Variants in ZFR2 observed in about 807,000 individuals in gnomAD.
ZFR2 encodes the protein zinc finger RNA binding protein 2, also known as zinc finger RNA-binding protein 2.
Under a neutral mutation model 105.7 loss-of-function variants are expected in ZFR2, and 104 were observed. The observed-to-expected ratio is 0.98, with a 90% CI of 0.84 to 1.16. The LOEUF (loss-of-function observed/expected upper bound fraction) is 1.16. Among genes scored for constraint, ZFR2 ranks in the 50% most tolerant of loss-of-function variants. The probability of loss-of-function intolerance (pLI) is 0.00; values close to 1 mark genes in which losing one functional copy is unlikely to be tolerated. For missense variants in ZFR2, 1,425 were observed against 1,355.5 expected (o/e 1.05, Z -0.80); for synonymous variants, 634 against 597.7 (o/e 1.06, Z -0.89).
intron 5 of ZFR2, among the ~76,000 whole-genome samples, chr19:3,830,791 T>G (rs957191076): frequency 3.9e-5 from 6 of 152,180 alleles, no homozygotes; most frequent in African/African-American, 1.4e-4. Context: ...GAGCCCACGA[T>G]CTCAGCTGGG....
intron 1 of ZFR2, among the ~76,000 whole-genome samples, chr19:3,846,239 A>G (rs972271036): frequency 2.4e-4 from 37 of 152,360 alleles, no homozygotes; most frequent in African/African-American, 7.2e-4. Flanking sequence ...AGCCTCCCAC[A>G]GTGCTGGGAT....
chr19:3,833,509 A>G (rs1429088259), intron 3 of ZFR2, 155 bp downstream of exon 3: 73 of 561,190 alleles, frequency 1.3e-4, no homozygotes, highest in East Asian at 6.6e-4. Flanking sequence ...CTGGGAGGCG[A>G]AGCTTGCAGT....
intron 16 of ZFR2, among the ~76,000 whole-genome samples, chr19:3,810,410 G>A (rs1258709112): frequency 6.6e-6 from 1 of 152,256 alleles, no homozygotes; most frequent in Non-Finnish European, 1.5e-5. Context: ...GTCACCCAGA[G>A]GCCGGTGTGC....
chr19:3,856,570 C>G lies in ZFR2; in HGVS notation c.53+12395G>C, dbSNP rs931477071. 2.0e-5 allele frequency among the ~76,000 whole-genome samples: 3 copies of G among 152,088 alleles called. No homozygotes were observed. In the East Asian group the frequency reaches 5.8e-4, roughly 29 times the overall value. On this transcript the variant is annotated intron_variant, in intron 1 of 18. Coordinates refer to ENST00000262961, the MANE Select transcript of ZFR2 (RefSeq NM_015174.2). ...CCATCAACATTCTCTCCATCCCTCCCCAGCCCCCGGAACCACTAATCCATT... is the reference window on the plus strand; with the variant it reads ...CCATCAACATTCTCTCCATCCCTCCGCAGCCCCCGGAACCACTAATCCATT...
chr19:3,829,519 TG>T (rs1844976926), intron 5 of ZFR2, among the ~76,000 whole-genome samples: 2 of 151,754 alleles, frequency 1.3e-5, no homozygotes, highest in African/African-American at 4.8e-5. Context: ...TGGGGGGTTT[TG>T]TTTTTTTGTG....
At chr19:3,822,007 CCACAGGCCT>C in intron 9 of ZFR2, 65 bp downstream of exon 9, 2 of 1,513,894 alleles carry the variant, frequency 1.3e-6, no homozygotes, top group East Asian at 5.0e-5. Context: ...AGAGGCCCGA[CCACAGGCCT>C]CCCAGCGCCC....
chr19:3,865,843 A>G (rs998503711), intron 1 of ZFR2, among the ~76,000 whole-genome samples: 1 of 151,738 alleles, frequency 6.6e-6, no homozygotes, highest in African/African-American at 2.4e-5. Flanking sequence ...AACCATAGGT[A>G]CTTTTTTGTT....
intron 1 of ZFR2, among the ~76,000 whole-genome samples, chr19:3,860,223 TGGG>T (rs560705937): frequency 1.4e-5 from 2 of 141,108 alleles, no homozygotes; most frequent in Admixed American, 7.3e-5. Flanking sequence ...TTTTCAGAGA[TGGG>T]GGGGGTCTCA....
At chr19:3,831,093 AT>A (rs1450947336) in intron 5 of ZFR2, among the ~76,000 whole-genome samples, 4 of 151,928 alleles carry the variant, frequency 2.6e-5, no homozygotes, top group Non-Finnish European at 4.4e-5. Context: ...ACATATACAC[AT>A]GCATAAACAC....
At chr19:3,857,521 A>G (rs965538008) in intron 1 of ZFR2, among the ~76,000 whole-genome samples, 19 of 117,052 alleles carry the variant, frequency 1.6e-4, no homozygotes, top group African/African-American at 6.7e-4. Flanking sequence ...CCTGGCCAAC[A>G]TGGTGTATAC....
chr19:3,807,253 C>A lies in ZFR2; in HGVS notation c.2562G>T (p.Gln854His). The A allele has an allele frequency of 6.4e-7, 1 of 1,558,182 alleles. No homozygotes were observed. Among genetic ancestry groups the A allele is most frequent in the Non-Finnish European group, 8.7e-7 (1 of 1,150,324 alleles). ...GTLLTDGPGL[Q>H]DPCERDQTDA... ...CTGTCTGGTCTCTCTCGCAGGGATC[C>A]TGGAGCCCGGGCCCGTCTTTGTGAC... Residue 854 changes from glutamine (Q) to histidine (H), a missense_variant, in exon 18 of 19, where the codon CAG becomes CAT. Transcript: ENST00000262961.
At position 3,816,603 on chromosome 19, in the gene ZFR2, C is replaced by T. The variant is rs183629486; in HGVS notation, c.2103+71G>A. ...ACAAAGGTCCCCTGCCATCTAGGAG[C>T]GCAAGGGGCTGCGGGGAGAGGGCTG... On this transcript the variant is annotated intron_variant, in intron 13 of 18. Transcript: ENST00000262961. 1.2e-4 allele frequency: 179 copies of T among 1,527,292 alleles called. 1 individual carries two copies. Among genetic ancestry groups the T allele is most frequent in the East Asian group, 6.7e-4 (29 of 43,278 alleles). The allele number at this position is 1,527,292 out of a possible 1,614,324, so 94.6% of individuals were successfully genotyped here.
intron 7 of ZFR2, 67 bp downstream of exon 7, chr19:3,825,163 T>C: frequency 7.2e-7 from 1 of 1,392,162 alleles, no homozygotes; most frequent in Non-Finnish European, 9.3e-7. Flanking sequence ...GTAGATTTTC[T>C]CACGAAACTT....
At position 3,825,323 on chromosome 19, in the gene ZFR2, C is replaced by T; in HGVS notation, c.1120G>A (p.Ala374Thr). 1 of 1,585,574 alleles carries T rather than the reference C, an allele frequency of 6.3e-7. No individual in the cohort carries two copies. Among genetic ancestry groups the T allele is most frequent in the Non-Finnish European group, 8.5e-7 (1 of 1,170,194 alleles). The part of the protein sequence containing the change: ...LATESPPGAE[A>T]KPTSPTGPSV... ...GGGCCAGTGGGGGACGTGGGCTTGG[C>T]CTCTGCCCCGGGGGGGCTCTCTGTG... Residue 374 changes from alanine to threonine, a missense_variant, in exon 7 of 19, where the codon GCC becomes ACC. Physicochemically the swap from Ala to Thr is moderately conservative, Grantham distance 58. Coordinates refer to ENST00000262961, the MANE Select transcript of ZFR2 (RefSeq NM_015174.2).
intron 12 of ZFR2, among the ~76,000 whole-genome samples, chr19:3,817,527 CCA>C (rs1284179011): frequency 1.3e-5 from 2 of 149,318 alleles, no homozygotes; most frequent in Non-Finnish European, 3.0e-5. Context: ...TCACTGAACT[CCA>C]GTTTGGGAGA....
At chr19:3,859,538 G>A (rs762936257) in intron 1 of ZFR2, among the ~76,000 whole-genome samples, 3 of 152,208 alleles carry the variant, frequency 2.0e-5, no homozygotes, top group Admixed American at 6.5e-5. Context: ...TCCGTGCCCC[G>A]GGAACCGCTG....
At chr19:3,811,195 C>A in intron 15 of ZFR2, 77 bp downstream of exon 15, 1 of 1,392,876 alleles carries the variant, frequency 7.2e-7, no homozygotes, top group South Asian at 1.4e-5. Context: ...GGCGGCCGCG[C>A]CGGGTTGACC....
chr19:3,856,543 C>T (rs1312150035), intron 1 of ZFR2, among the ~76,000 whole-genome samples: 1 of 152,122 alleles, frequency 6.6e-6, no homozygotes, highest in Non-Finnish European at 1.5e-5. Flanking sequence ...AGAAACCTGT[C>T]CCCATCAACA....
At chr19:3,822,334 G>C (rs982345251) in intron 8 of ZFR2, 134 bp from the exon 9 acceptor site, 2 of 1,377,210 alleles carry the variant, frequency 1.5e-6, no homozygotes, top group Admixed American at 4.2e-5. Flanking sequence ...TAGAGACAGC[G>C]TCTTGCTGTG....
Sources: gnomAD v4.1 joint callset for allele counts (sites outside exome capture counted in the v4.1 genomes callset) on GRCh38, gnomAD v4.1.1 for gene constraint, MANE v1.5 for transcripts, NCBI Gene and HGNC (gene_info 2026-07-23, HGNC 2026-07-21) for gene names.